HSPA12A: variants seen among roughly 807,000 people sequenced by gnomAD.
The protein encoded by HSPA12A is heat shock protein family A (Hsp70) member 12A, also known as heat shock 70 kDa protein 12A.
Under a neutral mutation model 69.2 loss-of-function variants are expected in HSPA12A, and 28 were observed. The observed-to-expected ratio is 0.40, with a 90% CI of 0.30 to 0.55. The LOEUF (loss-of-function observed/expected upper bound fraction) is 0.55. Among genes scored for constraint, HSPA12A ranks in the 20% least tolerant of loss-of-function variants. The pLI is 0.38. For synonymous variants in HSPA12A, 345 were observed against 370.5 expected (o/e 0.93, Z 0.79); for missense variants, 686 against 900.7 (o/e 0.76, Z 3.05).
rs1009252628 is a variant in HSPA12A, at chr10:116,839,627, A to C, written c.4-4605T>G. Reference sequence around the variant, plus strand: ...CGTAAAAAAAAAAAAAAAAAAAAAAAAAACCTAAAATCTCACCTACACATT... The same window carrying C: ...CGTAAAAAAAAAAAAAAAAAAAAAACAAACCTAAAATCTCACCTACACATT... On this transcript the variant is annotated intron_variant, in intron 1 of 12. Transcript: ENST00000635765. 4.1e-4 allele frequency among the ~76,000 whole-genome samples: 61 copies of C among 149,552 alleles called. No homozygotes were observed. In the Middle Eastern group the frequency reaches 0.01, roughly 25 times the overall value.
At position 116,742,544 on chromosome 10, in the gene HSPA12A, G is replaced by T. The variant is rs11592166; in HGVS notation, c.-75C>A. On this transcript the variant is annotated 5_prime_UTR_variant, in exon 1 of 12. Transcript: ENST00000369209. ...CCCGTGCGGGTCTCTGTCCGCGTCC[G>T]CGGCGGCGCTCGGGCCGTGTCTGAG... 2 of 1,180,738 alleles carry T rather than the reference G, an allele frequency of 1.7e-6. No homozygotes were observed. Among genetic ancestry groups the T allele is most frequent in the Non-Finnish European group, 1.0e-6 (1 of 955,436 alleles). The allele number at this position is 1,180,738 out of a possible 1,614,324, so 73.1% of individuals were successfully genotyped here.
At chr10:116,703,549 T>C (rs74158822) in intron 3 of HSPA12A, among the ~76,000 whole-genome samples, 1 of 137,788 alleles carries the variant, frequency 7.3e-6, no homozygotes, top group South Asian at 2.2e-4. Flanking sequence ...AAAAAAAAAA[T>C]AACAACAACA....
chr10:116,798,056 A>AGGCAG (rs139481604), intron 2 of HSPA12A, among the ~76,000 whole-genome samples: 129,946 of 151,734 alleles, frequency 0.86, 56,748 homozygotes, highest in Non-Finnish European at 0.94. Context: ...TTCTGGAGAG[A>AGGCAG]GGCAGGGGCT....
intron 2 of HSPA12A, among the ~76,000 whole-genome samples, chr10:116,786,765 G>A (rs994728013): frequency 6.6e-6 from 1 of 152,002 alleles, no homozygotes; most frequent in Non-Finnish European, 1.5e-5. Context: ...TCAGCCTCCT[G>A]AGTAGCTGGG....
chr10:116,724,859 C>T (rs1208830907), intron 1 of HSPA12A, among the ~76,000 whole-genome samples: 3 of 152,180 alleles, frequency 2.0e-5, no homozygotes, highest in Non-Finnish European at 4.4e-5. Context: ...TCCTCAGTCT[C>T]CTGAATCAGG....
rs112377381 is a variant in HSPA12A at position 116,716,000 on chromosome 10, G to A, written c.41-8715C>T. ...TCAGCAGGCACCCACTGGCCCCCTCGCAGATGACAAAACAGATGTCCAGCC... is the reference window on the plus strand; with the variant it reads ...TCAGCAGGCACCCACTGGCCCCCTCACAGATGACAAAACAGATGTCCAGCC... On this transcript the variant is annotated intron_variant, in intron 1 of 11. Coordinates refer to ENST00000369209, the MANE Select transcript of HSPA12A (RefSeq NM_025015.3). Among the ~76,000 whole-genome samples the A allele has an allele frequency of 5.7e-3, 865 of 152,250 alleles. 8 individuals carry two copies. Among genetic ancestry groups the A allele is most frequent in the Middle Eastern group, 0.014 (4 of 294 alleles).
chr10:116,679,255 G>A (rs934878994), intron 10 of HSPA12A, among the ~76,000 whole-genome samples: 6 of 152,192 alleles, frequency 3.9e-5, no homozygotes, highest in Admixed American at 3.3e-4. Flanking sequence ...CAGGTCCCAG[G>A]CATTGTTCTA....
intron 2 of HSPA12A, among the ~76,000 whole-genome samples, 173 bp from the exon 3 acceptor site, chr10:116,705,451 C>A (rs1446102746): frequency 6.6e-6 from 1 of 152,228 alleles, no homozygotes; most frequent in Non-Finnish European, 1.5e-5. Context: ...CCTGGGCCCC[C>A]GCCTGAATGG....
chr10:116,797,163 A>C (rs2133161895), intron 2 of HSPA12A, among the ~76,000 whole-genome samples: 1 of 152,312 alleles, frequency 6.6e-6, no homozygotes, highest in Non-Finnish European at 1.5e-5. Context: ...CAGTGGCCTG[A>C]GTTCCTTGTC....
intron 2 of HSPA12A, among the ~76,000 whole-genome samples, chr10:116,761,578 AT>A (rs1309837092): frequency 7.8e-5 from 6 of 76,826 alleles, no homozygotes; most frequent in African/African-American, 2.5e-4. Flanking sequence ...AGTAAAAAAA[AT>A]AAAAAAAAAA....
chr10:116,729,138 C>A (rs1554885399), intron 1 of HSPA12A, among the ~76,000 whole-genome samples: 1 of 152,216 alleles, frequency 6.6e-6, no homozygotes, highest in African/African-American at 2.4e-5. Context: ...CATTGCCCAG[C>A]CCAAGGACTG....
intron 1 of HSPA12A, among the ~76,000 whole-genome samples, chr10:116,722,387 C>A (rs1181085670): frequency 6.6e-6 from 1 of 152,166 alleles, no homozygotes; most frequent in Non-Finnish European, 1.5e-5. Context: ...CACGAGCCCA[C>A]GGCTCCAACC....
intron 2 of HSPA12A, among the ~76,000 whole-genome samples, chr10:116,706,094 A>G (rs1385512559): frequency 6.6e-6 from 1 of 151,242 alleles, no homozygotes; most frequent in East Asian, 1.9e-4. Flanking sequence ...ACTGGGTTTC[A>G]CGGTGTTAGC....
intron 5 of HSPA12A, among the ~76,000 whole-genome samples, chr10:116,692,790 G>A (rs1426478668): frequency 1.3e-5 from 2 of 152,182 alleles, no homozygotes; most frequent in East Asian, 1.9e-4. Context: ...TCTGTGCAGT[G>A]GGGATTATAA....
At chr10:116,790,432 C>T (rs1014188578) in intron 2 of HSPA12A, among the ~76,000 whole-genome samples, 1 of 151,880 alleles carries the variant, frequency 6.6e-6, no homozygotes, top group Non-Finnish European at 1.5e-5. Flanking sequence ...CTCACGTCTC[C>T]CTCCTCTTCC....
intron 2 of HSPA12A, among the ~76,000 whole-genome samples, chr10:116,820,170 C>A (rs1845384923): frequency 1.3e-5 from 2 of 151,936 alleles, no homozygotes. Context: ...TGAGTCAGTA[C>A]CATTAGAATT....
chr10:116,674,635 A>G lies in HSPA12A; in HGVS notation c.*146T>C. 2 of 781,760 alleles carry G rather than the reference A, an allele frequency of 2.6e-6. No homozygotes were observed. 48.4% of individuals were successfully genotyped at this position (781,760 alleles called of 1,614,324 possible). On this transcript the variant is annotated 3_prime_UTR_variant, in exon 12 of 12. Coordinates refer to ENST00000369209, the MANE Select transcript of HSPA12A (RefSeq NM_025015.3). Reference sequence around the variant, plus strand: ...AGTGTGCCCTCAAAAGTCACTAATTATTTCTAGCCCTGATTGTTCTCATCT... The same window carrying G: ...AGTGTGCCCTCAAAAGTCACTAATTGTTTCTAGCCCTGATTGTTCTCATCT...
chr10:116,711,066 T>A (rs140276934), intron 1 of HSPA12A, among the ~76,000 whole-genome samples: 2 of 152,194 alleles, frequency 1.3e-5, no homozygotes, highest in Non-Finnish European at 1.5e-5. Flanking sequence ...TATAAGCTAA[T>A]GGACAACAGG....
chr10:116,769,345 A>G (rs1298760785), intron 2 of HSPA12A, among the ~76,000 whole-genome samples: 1 of 152,184 alleles, frequency 6.6e-6, no homozygotes, highest in Non-Finnish European at 1.5e-5. Context: ...CATTCCAGCC[A>G]AGGAAACAAA....
Sources: gnomAD v4.1 joint callset for allele counts (sites outside exome capture counted in the v4.1 genomes callset) on GRCh38, gnomAD v4.1.1 for gene constraint, MANE v1.5 for transcripts, NCBI Gene and HGNC (gene_info 2026-07-23, HGNC 2026-07-21) for gene names.